The following SPATS2L variants were observed in gnomAD, a reference collection of about 807,000 sequenced individuals.
SPATS2L encodes SPATS2-like protein.
A neutral mutation model predicts 59.6 loss-of-function variants in SPATS2L; 30 were observed. The ratio of observed to expected loss-of-function variants is 0.50; its 90% CI spans 0.38 to 0.68. The LOEUF is 0.68. Among genes scored for constraint, SPATS2L ranks in the 30% least tolerant of loss-of-function variants. SPATS2L has a pLI of 0.00. For synonymous variants in SPATS2L, 252 were observed against 263.5 expected, an observed-to-expected ratio of 0.96 and a Z score of 0.42; for missense variants, 615 against 700.0, an observed-to-expected ratio of 0.88 and a Z score of 1.37.
chr2:200,324,687 G>A (rs1273305143), intron 1 of SPATS2L, among the ~76,000 whole-genome samples: 2 of 152,082 alleles, frequency 1.3e-5, no homozygotes, highest in African/African-American at 4.8e-5. Context: ...ATTTTTTTCT[G>A]TTGTACTTTC....
intron 6 of SPATS2L, among the ~76,000 whole-genome samples, chr2:200,434,593 A>T (rs1207666077): frequency 6.6e-6 from 1 of 152,162 alleles, no homozygotes; most frequent in Admixed American, 6.5e-5. Context: ...TGAAATTTTT[A>T]AAAATGCTAT....
intron 6 of SPATS2L, among the ~76,000 whole-genome samples, chr2:200,433,157 A>C (rs2084051193): frequency 6.6e-6 from 1 of 152,216 alleles, no homozygotes; most frequent in African/African-American, 2.4e-5. Flanking sequence ...ATGTATGTGC[A>C]TCTAATGATT....
At chr2:200,459,463 A>G (rs2086085518) in intron 8 of SPATS2L, among the ~76,000 whole-genome samples, 1 of 152,212 alleles carries the variant, frequency 6.6e-6, no homozygotes, top group Non-Finnish European at 1.5e-5. Flanking sequence ...TTTGGAATGT[A>G]TAGGACAAAA....
chr2:200,467,385 A>G lies in SPATS2L; in HGVS notation c.943A>G (p.Arg315Gly). 1 of 1,613,326 alleles carries G rather than the reference A, an allele frequency of 6.2e-7. No homozygotes were observed. The highest frequency in any genetic ancestry group is 8.5e-7 in the Non-Finnish European group (1 of 1,179,236). Reference protein sequence around the residue: ...QMAEMQLAELRAEIKHFVSER... With the variant: ...QMAEMQLAELGAEIKHFVSER... ...GGCAGAGATGCAGCTGGCCGAACTC[A>G]GGGCAGAAATTAAGGTCAGTTCTAA... The change falls in exon 10 of 13, where the codon AGG becomes GGG. Residue 315 changes from arginine (R) to glycine (G), a missense_variant. Physicochemically the swap from Arg to Gly is moderately radical, Grantham distance 125. Coordinates refer to ENST00000409140, the MANE Select transcript of SPATS2L (RefSeq NM_001100423.2).
chr2:200,364,204 T>C (rs2081196113), intron 2 of SPATS2L, among the ~76,000 whole-genome samples: 1 of 152,194 alleles, frequency 6.6e-6, no homozygotes, highest in Non-Finnish European at 1.5e-5. Flanking sequence ...GTCAGACTTC[T>C]GACTTACAAA....
At position 200,338,996 on chromosome 2, in the gene SPATS2L, AAACTT is replaced by A. The variant is rs1202388547; in HGVS notation, c.-23+9519_-23+9523del. ...GTTATCTTTGTATCTCAAGGACAGA[AAACTT>A]AATAAAGATTTGGGTACAAAGTACA... On this transcript the variant is annotated intron_variant, in intron 2 of 12. Coordinates refer to ENST00000409140, the MANE Select transcript of SPATS2L (RefSeq NM_001100423.2). Among the ~76,000 whole-genome samples, 23 of 152,352 alleles carry A rather than the reference AAACTT, an allele frequency of 1.5e-4. No individual in the cohort carries two copies. In the East Asian group the frequency reaches 4.2e-3, roughly 28 times the overall value.
In SPATS2L at chr2:200,392,926, T is replaced by C. The variant is rs916211048; in HGVS notation, c.39+3643T>C. ...TGACCAGAGGTCCCCAGAAGTATTC[T>C]GCATTGTGAGAGCATAGTAGGAGAA... On this transcript the variant is annotated intron_variant, in intron 3 of 12. Coordinates refer to ENST00000409140, the MANE Select transcript of SPATS2L (RefSeq NM_001100423.2). Among the ~76,000 whole-genome samples, 29 of 152,246 alleles carry C rather than the reference T, an allele frequency of 1.9e-4. 2 individuals are homozygous for C. The highest frequency in any genetic ancestry group is 1.2e-4 in the Non-Finnish European group (8 of 68,050).
chr2:200,464,635 T>G (rs1425071947), intron 9 of SPATS2L, among the ~76,000 whole-genome samples: 3 of 152,060 alleles, frequency 2.0e-5, no homozygotes, highest in African/African-American at 7.2e-5. Flanking sequence ...CCTTCAGACT[T>G]TTTTTATTAT....
intron 1 of SPATS2L, among the ~76,000 whole-genome samples, chr2:200,307,159 G>T (rs1378891710): frequency 6.6e-6 from 1 of 151,412 alleles, no homozygotes; most frequent in Non-Finnish European, 1.5e-5. Context: ...AGCCGGCGCG[G>T]GCAAGCGGGA....
At chr2:200,440,545 A>T (rs1488707589) in intron 7 of SPATS2L, 104 bp from the exon 8 acceptor site, 2 of 1,130,788 alleles carry the variant, frequency 1.8e-6, no homozygotes, top group South Asian at 1.6e-5. Flanking sequence ...TAGACAAAAG[A>T]TGAGTCCCTT....
intron 2 of SPATS2L, among the ~76,000 whole-genome samples, chr2:200,362,307 G>A (rs2081133809): frequency 6.6e-6 from 1 of 152,140 alleles, no homozygotes; most frequent in Admixed American, 6.6e-5. Flanking sequence ...TATTAGTTTT[G>A]TTACCAATTT....
At chr2:200,475,222 T>C (rs1294402224) in intron 12 of SPATS2L, among the ~76,000 whole-genome samples, 2 of 152,196 alleles carry the variant, frequency 1.3e-5, no homozygotes, top group African/African-American at 4.8e-5. Flanking sequence ...ACATATGGTG[T>C]GTGAACCCCA....
At chr2:200,473,196 G>A (rs2087207537) in intron 12 of SPATS2L, 144 bp downstream of exon 12, 2 of 772,018 alleles carry the variant, frequency 2.6e-6, no homozygotes, top group Non-Finnish European at 4.1e-6. Context: ...TCCCCACCCA[G>A]CAGCACTGCC....
chr2:200,377,743 A>G (rs2105903530), intron 2 of SPATS2L, among the ~76,000 whole-genome samples: 1 of 152,338 alleles, frequency 6.6e-6, no homozygotes, highest in Admixed American at 6.5e-5. Context: ...ACCCCTAGAC[A>G]TGGTTTTTAC....
intron 2 of SPATS2L, among the ~76,000 whole-genome samples, chr2:200,369,233 A>G (rs2105887733): frequency 6.6e-6 from 1 of 152,314 alleles, no homozygotes; most frequent in Non-Finnish European, 1.5e-5. Context: ...ATCTCAGCCC[A>G]CTGCAGCCTC....
intron 1 of SPATS2L, among the ~76,000 whole-genome samples, chr2:200,316,024 CAAAA>C (rs369862567): frequency 6.0e-5 from 3 of 49,796 alleles, no homozygotes; most frequent in Non-Finnish European, 1.2e-4. Flanking sequence ...GACTCCATCT[CAAAA>C]AAAAAAAAAA....
intron 2 of SPATS2L, among the ~76,000 whole-genome samples, chr2:200,333,598 C>T (rs2080033705): frequency 6.6e-6 from 1 of 151,836 alleles, no homozygotes; most frequent in African/African-American, 2.4e-5. Flanking sequence ...GTGTGCTGCA[C>T]CCATTAACTC....
chr2:200,477,772 G>A lies in SPATS2L; in HGVS notation c.1418G>A (p.Arg473Lys), dbSNP rs10178090. The A allele has an allele frequency of 6.3e-7, 1 of 1,581,516 alleles. No individual in the cohort carries two copies. Among genetic ancestry groups the A allele is most frequent in the Non-Finnish European group, 8.6e-7 (1 of 1,163,668 alleles). Residue 473 changes from arginine (R) to lysine (K), a missense_variant, in exon 13 of 13, where the codon AGA becomes AAA. This residue lies in a region of SPATS2L where 284 missense variants were observed against 280.1 expected (regional missense o/e 1.01). Coordinates refer to ENST00000409140, the MANE Select transcript of SPATS2L (RefSeq NM_001100423.2). ...GKGNSRHEHR[R>K]QPHNGFRPKN... is the part of the protein sequence containing the mutation. ...GGCAACAGCCGCCACGAACACAGAA[G>A]ACAGCCGCACAACGGCTTCCGGCCC...
At chr2:200,344,741 GACTTTTTA>G (rs911721521) in intron 2 of SPATS2L, among the ~76,000 whole-genome samples, 2 of 152,038 alleles carry the variant, frequency 1.3e-5, no homozygotes, top group African/African-American at 4.8e-5. Context: ...GTTATTTTTT[GACTTTTTA>G]ATAATAGCCA....
Sources: gnomAD v4.1 joint callset for allele counts (sites outside exome capture counted in the v4.1 genomes callset) on GRCh38, gnomAD v4.1.1 for gene constraint, gnomAD v4.1.1 regional missense constraint, MANE v1.5 for transcripts, NCBI Gene and HGNC (gene_info 2026-07-23, HGNC 2026-07-21) for gene names.